Variants in NFIC observed in about 807,000 individuals in gnomAD.
NFIC encodes the protein nuclear factor I C.
In NFIC, 12 loss-of-function variants were observed where a neutral mutation model predicts 54.4. The observed-to-expected ratio is 0.22, with a 90% CI of 0.14 to 0.36. The LOEUF is 0.36. NFIC is among the 10% of genes least tolerant of loss of function. The pLI is 1.00. For missense variants in NFIC, 575 were observed against 718.2 expected (o/e 0.80, Z 2.28); for synonymous variants, 322 against 319.2 (o/e 1.01, Z -0.09).
At chr19:3,408,525 T>G (rs569999149) in intron 2 of NFIC, among the ~76,000 whole-genome samples, 2 of 152,136 alleles carry the variant, frequency 1.3e-5, no homozygotes, top group Non-Finnish European at 2.9e-5. Flanking sequence ...CATCGCAGCC[T>G]CAAACTCCCA....
intron 2 of NFIC, among the ~76,000 whole-genome samples, chr19:3,409,959 CT>C (rs1317128817): frequency 6.6e-6 from 1 of 152,190 alleles, no homozygotes; most frequent in African/African-American, 2.4e-5. Context: ...TGTGTTTCCC[CT>C]ACTTTGGGAG....
At chr19:3,443,520 C>T (rs1270936536) in intron 6 of NFIC, among the ~76,000 whole-genome samples, 1 of 152,176 alleles carries the variant, frequency 6.6e-6, no homozygotes, top group Non-Finnish European at 1.5e-5. Context: ...GGACCCCCAG[C>T]TCCTGGGACT....
intron 6 of NFIC, among the ~76,000 whole-genome samples, chr19:3,438,557 C>T (rs991659890): frequency 6.6e-6 from 1 of 151,900 alleles, no homozygotes; most frequent in Non-Finnish European, 1.5e-5. Flanking sequence ...CCTGCCTCAG[C>T]CTCCCGAGTA....
rs141381237 is a variant in NFIC at position 3,397,344 on chromosome 19, C to G, written c.562+15101C>G. On this transcript the variant is annotated intron_variant, in intron 2 of 10. Coordinates refer to ENST00000443272, the MANE Select transcript of NFIC (RefSeq NM_001245002.2). Reference sequence around the variant, plus strand: ...TGTTTGGGGTATGGCAGGGACTGCCCTGGAACGTTCCGGATCCTGCCTTTG... The same window carrying G: ...TGTTTGGGGTATGGCAGGGACTGCCGTGGAACGTTCCGGATCCTGCCTTTG... 4.4e-3 allele frequency among the ~76,000 whole-genome samples: 671 copies of G among 152,332 alleles called. 5 individuals are homozygous for G. Among genetic ancestry groups the G allele is most frequent in the Non-Finnish European group, 6.6e-3 (449 of 68,028 alleles).
intron 10 of NFIC, 77 bp from the exon 11 acceptor site, chr19:3,462,675 G>C (rs929261751): frequency 1.3e-6 from 2 of 1,518,608 alleles, no homozygotes; most frequent in African/African-American, 1.4e-5. Context: ...GGTAAACCAT[G>C]TCTGCAGCAG....
rs374896582 is a variant in NFIC at position 3,452,548 on chromosome 19, C to A, written c.1151C>A (p.Thr384Lys). 1.2e-6 allele frequency: 2 copies of A among 1,613,606 alleles called. No homozygotes were observed. The highest frequency in any genetic ancestry group is 3.3e-5 in the Admixed American group (2 of 59,974). ...HFPTTSILPQ[T>K]ASTYFPHTAI... ...CCTACGACGTCCATCCTACCCCAGA[C>A]GGCCTCCACCTACTTCCCCCACACG... The change falls in exon 8 of 11, where the codon ACG (threonine) becomes AAG (lysine). Residue 384 changes from threonine (T) to lysine (K), a missense_variant. Physicochemically the swap from Thr to Lys is moderately conservative, Grantham distance 78. This residue lies in a region of NFIC where 447 missense variants were observed against 526.9 expected (regional missense o/e 0.85). Transcript: ENST00000443272. This position sits in a 1 kb window ranked among gnomAD's most constrained non-coding sequence, Gnocchi z 5.3.
In NFIC at chr19:3,456,558, C is replaced by T. The variant is rs1234366925; in HGVS notation, c.1432C>T (p.Pro478Ser). ...CTCTCTCCTCCCTGCAGCCTACTCT[C>T]CGCCCGACACGTCCCCTGCAAACCG... is the stretch of plus-strand genomic sequence containing the variant. ...ATSPTSPSYS[P>S]PDTSPANRSF... The change falls in exon 10 of 11, where the codon CCG becomes TCG. Residue 478 changes from proline (P) to serine (S), a missense_variant. Transcript: ENST00000443272. 1 of 1,552,448 alleles carries T rather than the reference C, an allele frequency of 6.4e-7. No homozygotes were observed. The highest frequency in any genetic ancestry group is 8.7e-7 in the Non-Finnish European group (1 of 1,147,330).
intron 2 of NFIC, among the ~76,000 whole-genome samples, chr19:3,409,318 G>T (rs954567928): frequency 6.6e-6 from 1 of 152,012 alleles, no homozygotes; most frequent in African/African-American, 2.4e-5. Context: ...TCCTTCTCCC[G>T]CTGGAGAGCC....
chr19:3,446,729 C>A (rs566449806), intron 6 of NFIC, among the ~76,000 whole-genome samples: 34 of 152,308 alleles, frequency 2.2e-4, no homozygotes, highest in African/African-American at 8.2e-4. Flanking sequence ...CCTTAGCCCT[C>A]ACTTGAAAAA....
upstream of NFIC, among the ~76,000 whole-genome samples, chr19:3,365,828 T>TC (rs2080872183): frequency 6.6e-6 from 1 of 151,224 alleles, no homozygotes; most frequent in South Asian, 2.1e-4. Flanking sequence ...TTCTGGAGCC[T>TC]CCCGTGTTAG....
At chr19:3,454,555 G>A (rs1455273236) in intron 9 of NFIC, among the ~76,000 whole-genome samples, 4 of 151,820 alleles carry the variant, frequency 2.6e-5, no homozygotes, top group Admixed American at 2.0e-4. Flanking sequence ...ATGGCCCCTC[G>A]GTCCTGGCAT....
intron 7 of NFIC, among the ~76,000 whole-genome samples, chr19:3,451,288 G>A (rs1351139004): frequency 6.6e-6 from 1 of 152,164 alleles, no homozygotes; most frequent in East Asian, 1.9e-4. Context: ...GGGTGCTGGG[G>A]CTGGGGGAGG....
chr19:3,385,277 C>G (rs1367182645), intron 2 of NFIC, among the ~76,000 whole-genome samples: 1 of 151,686 alleles, frequency 6.6e-6, no homozygotes, highest in Non-Finnish European at 1.5e-5. Context: ...GCCTGGACTC[C>G]AACCCCAGCT....
intron 6 of NFIC, among the ~76,000 whole-genome samples, chr19:3,439,857 T>G (rs2082265646): frequency 6.6e-6 from 1 of 150,874 alleles, no homozygotes; most frequent in Admixed American, 6.6e-5. Flanking sequence ...CCCGGCTAAT[T>G]TTTTGTATTT....
At chr19:3,416,059 A>C (rs1324388171) in intron 2 of NFIC, among the ~76,000 whole-genome samples, 3 of 151,762 alleles carry the variant, frequency 2.0e-5, no homozygotes, top group Admixed American at 2.0e-4. Flanking sequence ...GCTACTTGGG[A>C]AAAGAAGGCA....
At chr19:3,460,433 C>T (rs991263471) in intron 10 of NFIC, among the ~76,000 whole-genome samples, 1 of 152,098 alleles carries the variant, frequency 6.6e-6, no homozygotes, top group African/African-American at 2.4e-5. Flanking sequence ...CACAAAACAG[C>T]GGTGGAGGGA....
At chr19:3,361,864 G>A (rs1396443333), upstream of NFIC, among the ~76,000 whole-genome samples, 1 of 151,204 alleles carries the variant, frequency 6.6e-6, no homozygotes, top group Non-Finnish European at 1.5e-5. Flanking sequence ...ACACACACAC[G>A]ACACTCCCTC....
rs1287585413 is a variant in NFIC at position 3,369,229 on chromosome 19, C to A, written c.30+2563C>A. 6.6e-6 allele frequency among the ~76,000 whole-genome samples: 1 copy of A among 151,678 alleles called. No homozygotes were observed. The highest frequency in any genetic ancestry group is 2.4e-5 in the African/African-American group (1 of 41,242). ...CTGTTTCTCTGTCTCTGTCTCTCTG[C>A]CCCCTTCCTCTCTGTCTCTGTTTCT... is the stretch of plus-strand genomic sequence containing the variant. On this transcript the variant is annotated intron_variant, in intron 1 of 10. Coordinates refer to ENST00000443272, the MANE Select transcript of NFIC (RefSeq NM_001245002.2). This position sits in a 1 kb window ranked among gnomAD's most constrained non-coding sequence, Gnocchi z 4.3.
chr19:3,427,704 A>G (rs1006814474), intron 3 of NFIC, among the ~76,000 whole-genome samples: 1 of 151,504 alleles, frequency 6.6e-6, no homozygotes, highest in Non-Finnish European at 1.5e-5. Context: ...GCACACACCT[A>G]TAATCCCAGC....
Sources: allele counts gnomAD v4.1 joint callset (sites outside exome capture counted in the v4.1 genomes callset), GRCh38; gene constraint gnomAD v4.1.1; regional missense constraint gnomAD v4.1.1; non-coding constraint Gnocchi (gnomAD v3.1); transcripts MANE v1.5; gene names NCBI Gene and HGNC (gene_info 2026-07-23, HGNC 2026-07-21).